Variants in UBE2G1 observed in about 807,000 individuals in gnomAD.
UBE2G1 encodes the protein ubiquitin conjugating enzyme E2 G1, also known as ubiquitin-conjugating enzyme E2 G1.
In UBE2G1, 5 loss-of-function variants were observed where a neutral mutation model predicts 22.7. The ratio of observed to expected loss-of-function variants is 0.22; its 90% CI spans 0.12 to 0.46. The LOEUF is 0.46. UBE2G1 is among the 20% of genes least tolerant of loss of function. The pLI is 0.99. For synonymous variants in UBE2G1, 74 were observed against 67.5 expected (o/e 1.10, Z -0.47); for missense variants, 88 against 203.9 (o/e 0.43, Z 3.46).
intron 3 of UBE2G1, among the ~76,000 whole-genome samples, chr17:4,290,531 G>T (rs1166087480): frequency 2.0e-5 from 3 of 152,090 alleles, no homozygotes; most frequent in Non-Finnish European, 2.9e-5. Flanking sequence ...GAGTGTAGTG[G>T]TATGATCACA....
chr17:4,339,326 C>T (rs1324684723), intron 1 of UBE2G1, among the ~76,000 whole-genome samples: 33 of 150,452 alleles, frequency 2.2e-4, no homozygotes, highest in African/African-American at 7.6e-4. Flanking sequence ...TTTTTTGAGA[C>T]GGAATTTCAC....
At chr17:4,339,706 G>A (rs747116490) in intron 1 of UBE2G1, among the ~76,000 whole-genome samples, 1 of 152,022 alleles carries the variant, frequency 6.6e-6, no homozygotes, top group Non-Finnish European at 1.5e-5. Flanking sequence ...ACAAAATTAG[G>A]CAGGTGGTGG....
intron 5 of UBE2G1, among the ~76,000 whole-genome samples, 152 bp downstream of exon 5, chr17:4,282,646 T>C (rs749830434): frequency 6.6e-6 from 1 of 152,168 alleles, no homozygotes; most frequent in Admixed American, 6.6e-5. Context: ...AAGCAGATTA[T>C]ACAGTAGTTT....
At chr17:4,352,256 G>T (rs1567530199) in intron 1 of UBE2G1, among the ~76,000 whole-genome samples, 3 of 152,076 alleles carry the variant, frequency 2.0e-5, no homozygotes, top group Admixed American at 1.3e-4. Context: ...CTAAGAGGGG[G>T]TCTTGCTGTG....
intron 3 of UBE2G1, among the ~76,000 whole-genome samples, chr17:4,289,915 C>T (rs1969013519): frequency 6.6e-6 from 1 of 152,096 alleles, no homozygotes; most frequent in African/African-American, 2.4e-5. Context: ...ATTGTATTTT[C>T]TGAGAAAGGA....
Position 4,366,535 on chromosome 17 carries a change from G to T in UBE2G1, c.-219C>A. 2.3e-6 allele frequency: 1 copy of T among 427,898 alleles called. No individual in the cohort carries two copies. 26.5% of individuals were successfully genotyped at this position (427,898 alleles called of 1,614,324 possible). ...ACAGCGACTCACGCCCGGAAGGGGA[G>T]GGTGCCCGGGCTGCCGCGGCGCGCA... On this transcript the variant is annotated 5_prime_UTR_variant, in exon 1 of 6. Transcript: ENST00000396981.
At position 4,301,459 on chromosome 17, in the gene UBE2G1, A is replaced by G. The variant is rs1666242494; in HGVS notation, c.150-4645T>C. On this transcript the variant is annotated intron_variant, in intron 2 of 5. Transcript: ENST00000396981. ...ATGTGTTTCCTTGGCTTCAGCAGCTATTTTTGCTATAATAATCCTGCTGCC... is the reference window on the plus strand; with the variant it reads ...ATGTGTTTCCTTGGCTTCAGCAGCTGTTTTTGCTATAATAATCCTGCTGCC... 1.1e-5 allele frequency: 8 copies of G among 745,774 alleles called. No individual in the cohort carries two copies. In the South Asian group the frequency reaches 1.1e-4, roughly 10 times the overall value. 46.2% of individuals were successfully genotyped at this position (745,774 alleles called of 1,614,324 possible).
At chr17:4,327,697 T>C (rs1285776009) in intron 1 of UBE2G1, among the ~76,000 whole-genome samples, 3 of 152,128 alleles carry the variant, frequency 2.0e-5, no homozygotes. Flanking sequence ...ACACATCAAA[T>C]GGAAGCCAAG....
At chr17:4,303,535 G>A (rs962133035) in intron 2 of UBE2G1, among the ~76,000 whole-genome samples, 2 of 151,700 alleles carry the variant, frequency 1.3e-5, no homozygotes, top group Non-Finnish European at 2.9e-5. Context: ...GAGTGGTAGA[G>A]TTAGAGAGCT....
intron 1 of UBE2G1, 38 bp downstream of exon 1, chr17:4,366,233 C>G (rs781371207): frequency 6.6e-6 from 10 of 1,516,552 alleles, no homozygotes; most frequent in Admixed American, 4.1e-5. Context: ...TGTCCGCGAT[C>G]GCGGCCGGGC....
At chr17:4,289,134 T>TG in intron 4 of UBE2G1, 96 bp downstream of exon 4, 1 of 990,194 alleles carries the variant, frequency 1.0e-6, no homozygotes, top group Non-Finnish European at 1.4e-6. Flanking sequence ...CACACACGCA[T>TG]GCATACATTC....
Position 4,366,594 on chromosome 17 carries a change from C to T in UBE2G1, c.-278G>A, listed in dbSNP as rs1007454131. On this transcript the variant is annotated 5_prime_UTR_variant, in exon 1 of 6. Transcript: ENST00000396981. ...TCGCTCGCCCGCTTCCCTCCTTCAA[C>T]CCGCCCGTCGGCCCCACCGGTGCCT... 2 of 349,388 alleles carry T rather than the reference C, an allele frequency of 5.7e-6. No homozygotes were observed. Among genetic ancestry groups the T allele is most frequent in the Non-Finnish European group, 5.2e-6 (1 of 192,492 alleles). 21.6% of individuals were successfully genotyped at this position (349,388 alleles called of 1,614,324 possible).
At chr17:4,298,915 G>A (rs1054798760) in intron 2 of UBE2G1, among the ~76,000 whole-genome samples, 1 of 152,176 alleles carries the variant, frequency 6.6e-6, no homozygotes, top group African/African-American at 2.4e-5. Flanking sequence ...AGGGAATAGA[G>A]ACTGGAATAG....
At chr17:4,355,622 A>G (rs1371314263) in intron 1 of UBE2G1, among the ~76,000 whole-genome samples, 3 of 148,282 alleles carry the variant, frequency 2.0e-5, no homozygotes, top group Non-Finnish European at 4.5e-5. Context: ...AGCCTGGGCA[A>G]CAAGAGTGAA....
chr17:4,329,173 C>A (rs930531997), intron 1 of UBE2G1, among the ~76,000 whole-genome samples: 1 of 144,998 alleles, frequency 6.9e-6, no homozygotes, highest in African/African-American at 2.6e-5. Context: ...CCGAGGCAGG[C>A]GGATTGCCTG....
At chr17:4,329,060 G>A (rs1022855751) in intron 1 of UBE2G1, among the ~76,000 whole-genome samples, 11 of 146,184 alleles carry the variant, frequency 7.5e-5, no homozygotes, top group African/African-American at 1.5e-4. Flanking sequence ...AGCAGAGATC[G>A]CGCCATGCAC....
intron 1 of UBE2G1, among the ~76,000 whole-genome samples, chr17:4,365,546 C>T (rs1970023361): frequency 6.6e-6 from 1 of 152,096 alleles, no homozygotes; most frequent in Non-Finnish European, 1.5e-5. Context: ...GCGCAGCAGC[C>T]GGAATCGCGG....
intron 1 of UBE2G1, among the ~76,000 whole-genome samples, chr17:4,340,066 G>T (rs1969694119): frequency 6.6e-6 from 1 of 152,080 alleles, no homozygotes; most frequent in Non-Finnish European, 1.5e-5. Flanking sequence ...TGATTAGCTG[G>T]GAACACAGGT....
At chr17:4,293,824 A>G (rs914708489) in intron 3 of UBE2G1, among the ~76,000 whole-genome samples, 9 of 152,204 alleles carry the variant, frequency 5.9e-5, no homozygotes, top group Non-Finnish European at 1.3e-4. Flanking sequence ...CAGTCAAGTC[A>G]AAGAAACTAA....
Sources: allele counts gnomAD v4.1 joint callset (sites outside exome capture counted in the v4.1 genomes callset), GRCh38; gene constraint gnomAD v4.1.1; transcripts MANE v1.5; gene names NCBI Gene and HGNC (gene_info 2026-07-23, HGNC 2026-07-21).